Variants in TAF1 observed in about 807,000 individuals in gnomAD.
TAF1 encodes transcription initiation factor TFIID subunit 1.
Under a neutral mutation model 138.5 loss-of-function variants are expected in TAF1, and 2 were observed. That is an observed-to-expected ratio of 0.01 (90% confidence interval 0.01 to 0.05). The LOEUF (loss-of-function observed/expected upper bound fraction) is 0.05. Ranked by LOEUF, TAF1 falls within the 10% of genes least tolerant of loss-of-function variation. The pLI is 1.00. For synonymous variants in TAF1, 437 were observed against 503.2 expected (o/e 0.87, Z 1.76); for missense variants, 709 against 1,478.0 (o/e 0.48, Z 8.53).
chrX:71,452,954 G>T (rs1035462310), intron 32 of TAF1, among the ~76,000 whole-genome samples: 2 of 111,743 alleles, frequency 1.8e-5, no homozygotes, highest in Admixed American at 9.4e-5. Context: ...GCAGGCACTC[G>T]GCAGGCTGAG....
rs186645183 is a variant in TAF1 at position 71,419,788 on chromosome X, G to A, written c.4385-1521G>A. On this transcript the variant is annotated intron_variant, in intron 28 of 37. Transcript: ENST00000423759. ...GAGCAGCCCCCAGGGGGGTGAAATG[G>A]GGCAGGGAAACATGGGGAGCAGCTT... Among the ~76,000 whole-genome samples, 16 of 111,100 alleles carry A rather than the reference G, an allele frequency of 1.4e-4. No individual in the cohort carries two copies. The South Asian group carries it at 5.3e-3, about 37-fold the overall frequency.
chrX:71,495,786 G>A (rs183495031), intron 13 of TAF1, among the ~76,000 whole-genome samples: 7 of 111,948 alleles, frequency 6.3e-5, no homozygotes, highest in African/African-American at 1.6e-4. Flanking sequence ...AACCCTATAA[G>A]TAGGAGTATT....
In TAF1 at chrX:71,518,684, TTTTC is replaced by T. The variant is rs1303835691; in HGVS notation, c.1367-9850_1367-9847del. Among the ~76,000 whole-genome samples the T allele has an allele frequency of 6.0e-3, 629 of 104,732 alleles. 2 individuals carry two copies. Among genetic ancestry groups the T allele is most frequent in the Non-Finnish European group, 9.9e-3 (506 of 50,869 alleles). The allele number at this position is 104,732 out of a possible 115,157, so 90.9% of individuals were successfully genotyped here. Reference sequence around the variant, plus strand: ...GTATACTTATTACAAAATTCTTTTCTTTTCTTTCTTTTTTTTTTTTTTTTTTTTT... The same window carrying T: ...GTATACTTATTACAAAATTCTTTTCTTTTCTTTTTTTTTTTTTTTTTTTTT... On this transcript the variant is annotated intron_variant and NMD_transcript_variant, in intron 13 of 14. Transcript: ENST00000373775.
At chrX:71,413,152 C>G (rs2035884802) in intron 28 of TAF1, among the ~76,000 whole-genome samples, 1 of 111,709 alleles carries the variant, frequency 9.0e-6, no homozygotes, top group African/African-American at 3.3e-5. Context: ...ATCTGAAACA[C>G]TTGCGGTCCC....
chrX:71,376,677 AAAC>A (rs1280112217), intron 4 of TAF1, among the ~76,000 whole-genome samples: 6 of 110,445 alleles, frequency 5.4e-5, no homozygotes, highest in East Asian at 2.8e-4. Context: ...AAAAAAAAAA[AAAC>A]AACAAAAAAT....
chrX:71,381,648 T>C, intron 8 of TAF1, 95 bp from the exon 9 acceptor site: 2 of 985,992 alleles, frequency 2.0e-6, no homozygotes, highest in Non-Finnish European at 2.8e-6. Flanking sequence ...CTCGCTCTAC[T>C]AACATGAGTA....
At chrX:71,497,237 T>A (rs1350748067) in intron 13 of TAF1, among the ~76,000 whole-genome samples, 2 of 111,786 alleles carry the variant, frequency 1.8e-5, no homozygotes, top group Non-Finnish European at 3.8e-5. Flanking sequence ...TAAGAGATCC[T>A]CTCGGGTGGC....
At chrX:71,519,021 T>C (rs1321478930) in intron 13 of TAF1, among the ~76,000 whole-genome samples, 1 of 108,414 alleles carries the variant, frequency 9.2e-6, no homozygotes, top group Non-Finnish European at 1.9e-5. Context: ...TAAAATTCTA[T>C]AAGAATTTTT....
chrX:71,407,539 C>T, intron 26 of TAF1, 35 bp from the exon 27 acceptor site: 1 of 1,175,938 alleles, frequency 8.5e-7, no homozygotes, highest in Non-Finnish European at 1.2e-6. Context: ...TTTTTTTGGT[C>T]TGAGGAAGCA....
chrX:71,508,607 A>G (rs1410064833), intron 13 of TAF1, among the ~76,000 whole-genome samples: 1 of 94,699 alleles, frequency 1.1e-5, no homozygotes, highest in Admixed American at 1.2e-4. Flanking sequence ...CCTGTCTCTG[A>G]AAAAAAAAAA....
intron 13 of TAF1, among the ~76,000 whole-genome samples, chrX:71,508,418 T>C (rs772798091): frequency 9.3e-6 from 1 of 107,200 alleles, no homozygotes; most frequent in South Asian, 4.1e-4. Flanking sequence ...AACAAGACCC[T>C]GTCTCTACAA....
intron 32 of TAF1, among the ~76,000 whole-genome samples, chrX:71,453,488 C>T (rs1294874128): frequency 9.4e-6 from 1 of 106,653 alleles, no homozygotes; most frequent in Non-Finnish European, 1.9e-5. Context: ...CATGTCACTG[C>T]ATTCCAGCCT....
In TAF1 at chrX:71,453,639, A is replaced by G. The variant is rs56281818; in HGVS notation, c.4754-531A>G. Reference sequence around the variant, plus strand: ...TGGTTCATTCTTGGTGGTGGTATACATTGTATGGGTTTTGAAAAATGTATA... The same window carrying G: ...TGGTTCATTCTTGGTGGTGGTATACGTTGTATGGGTTTTGAAAAATGTATA... On this transcript the variant is annotated intron_variant, in intron 32 of 37. Transcript: ENST00000423759. Among the ~76,000 whole-genome samples, 808 of 110,804 alleles carry G rather than the reference A, an allele frequency of 7.3e-3. 3 individuals carry two copies. The highest frequency in any genetic ancestry group is 0.011 in the Admixed American group (119 of 10,423).
chrX:71,401,498 C>G, intron 24 of TAF1, 30 bp from the exon 25 acceptor site: 1 of 1,207,762 alleles, frequency 8.3e-7, no homozygotes, highest in Non-Finnish European at 1.1e-6. Flanking sequence ...CTACTTACCT[C>G]TGACGTGTTT....
intron 32 of TAF1, among the ~76,000 whole-genome samples, chrX:71,425,370 AC>A (rs1205495956): frequency 3.6e-5 from 4 of 111,868 alleles, no homozygotes; most frequent in African/African-American, 1.3e-4. Flanking sequence ...GGTGGCTCAT[AC>A]CTGTAATCTC....
At position 71,513,601 on chromosome X, in the gene TAF1, G is replaced by T. The variant is rs752519866; in HGVS notation, c.1367-14941G>T. Among the ~76,000 whole-genome samples, 3 of 111,605 alleles carry T rather than the reference G, an allele frequency of 2.7e-5. No individual in the cohort carries two copies. The South Asian group carries it at 1.1e-3, about 42-fold the overall frequency. ...AAGCATGGGGTTAAGAAAGGTTGAG[G>T]CCAGGCATGGTGGCTCATGCCTATA... is the stretch of plus-strand genomic sequence containing the variant. On this transcript the variant is annotated intron_variant and NMD_transcript_variant, in intron 13 of 14. Transcript: ENST00000373775.
At chrX:71,519,102 C>A (rs2039877195) in intron 13 of TAF1, among the ~76,000 whole-genome samples, 1 of 108,296 alleles carries the variant, frequency 9.2e-6, no homozygotes, top group Non-Finnish European at 1.9e-5. Flanking sequence ...GCAGACGGAT[C>A]ACGAGGTCAG....
intron 3 of TAF1, among the ~76,000 whole-genome samples, chrX:71,371,104 T>C (rs1393692268): frequency 1.8e-5 from 2 of 111,791 alleles, no homozygotes; most frequent in East Asian, 2.8e-4. Flanking sequence ...TTGTGTTTGT[T>C]GTCTTGACTA....
At chrX:71,515,483 C>A (rs1248739320) in intron 13 of TAF1, among the ~76,000 whole-genome samples, 1 of 111,738 alleles carries the variant, frequency 8.9e-6, no homozygotes, top group African/African-American at 3.3e-5. Flanking sequence ...GCTTTTGTTT[C>A]TCTCTACCAA....
Sources: allele counts gnomAD v4.1 joint callset (sites outside exome capture counted in the v4.1 genomes callset), GRCh38; gene constraint gnomAD v4.1.1; transcripts MANE v1.5; gene names NCBI Gene and HGNC (gene_info 2026-07-23, HGNC 2026-07-21).